DIP2C: variants seen among roughly 807,000 people sequenced by gnomAD.
The protein encoded by DIP2C is disco-interacting protein 2 homolog C.
A neutral mutation model predicts 192.4 loss-of-function variants in DIP2C; 33 were observed. That is an observed-to-expected ratio of 0.17 (90% CI 0.13 to 0.23). DIP2C has a LOEUF of 0.23. DIP2C is among the 10% of genes least tolerant of loss of function. The pLI is 1.00. For missense variants in DIP2C, 1,537 were observed against 2,110.1 expected (o/e 0.73, Z 5.32); for synonymous variants, 979 against 864.1 (o/e 1.13, Z -2.33).
chr10:472,675 C>T (rs993989408), intron 2 of DIP2C, 126 bp from the exon 3 acceptor site: 8 of 788,288 alleles, frequency 1.0e-5, no homozygotes, highest in Admixed American at 6.9e-5. Context: ...GGCATGGCGG[C>T]GCCTCAGAGC....
At chr10:382,310 C>G (rs1360615024) in intron 17 of DIP2C, among the ~76,000 whole-genome samples, 1 of 152,138 alleles carries the variant, frequency 6.6e-6, no homozygotes, top group Non-Finnish European at 1.5e-5. Flanking sequence ...AGACCCTATC[C>G]CACCCCAGAA....
chr10:620,468 G>A (rs962367661), intron 1 of DIP2C, among the ~76,000 whole-genome samples: 2 of 152,162 alleles, frequency 1.3e-5, no homozygotes, highest in Non-Finnish European at 2.9e-5. Context: ...CCTCCTGAGG[G>A]GCAGATACGG....
At chr10:655,951 G>A (rs1319352546) in intron 1 of DIP2C, among the ~76,000 whole-genome samples, 2 of 150,098 alleles carry the variant, frequency 1.3e-5, no homozygotes, top group African/African-American at 2.5e-5. Context: ...TCTGTTCTAC[G>A]CTACCCTATA....
chr10:439,200 G>A (rs1015048437), intron 4 of DIP2C, among the ~76,000 whole-genome samples: 7 of 152,120 alleles, frequency 4.6e-5, no homozygotes, highest in Admixed American at 2.0e-4. Context: ...GAGCCCAAGG[G>A]AGCACGTTGG....
intron 29 of DIP2C, among the ~76,000 whole-genome samples, chr10:338,494 G>A (rs1035139669): frequency 3.3e-5 from 5 of 150,226 alleles, no homozygotes; most frequent in African/African-American, 4.9e-5. Context: ...AATATGTCTC[G>A]ACACACGACC....
intron 17 of DIP2C, among the ~76,000 whole-genome samples, chr10:372,074 C>CTTTTTT (rs71376826): frequency 7.3e-6 from 1 of 137,584 alleles, no homozygotes. Context: ...ACCCCCTTTC[C>CTTTTTT]TTTTTTTTTT....
At chr10:279,872 C>T (rs1324852123) in intron 36 of DIP2C, among the ~76,000 whole-genome samples, 1 of 152,210 alleles carries the variant, frequency 6.6e-6, no homozygotes, top group Non-Finnish European at 1.5e-5. Context: ...AGGGCACCAG[C>T]GAGGCCCTCG....
intron 1 of DIP2C, among the ~76,000 whole-genome samples, chr10:527,829 T>A (rs537333353): frequency 6.6e-6 from 1 of 152,330 alleles, no homozygotes; most frequent in East Asian, 1.9e-4. Context: ...CTGAATGGCA[T>A]AATCAGCCAT....
chr10:531,482 G>A (rs1156760010), intron 1 of DIP2C, among the ~76,000 whole-genome samples: 2 of 151,938 alleles, frequency 1.3e-5, no homozygotes, highest in Non-Finnish European at 2.9e-5. Context: ...AACAACTATT[G>A]CTACAAATGC....
intron 1 of DIP2C, among the ~76,000 whole-genome samples, chr10:576,142 C>A (rs1462884142): frequency 6.6e-6 from 1 of 152,180 alleles, no homozygotes; most frequent in Non-Finnish European, 1.5e-5. Context: ...CTGTCGGATT[C>A]CAGATGTGCT....
chr10:313,155 A>C (rs12266507), intron 31 of DIP2C, among the ~76,000 whole-genome samples: 139 of 152,364 alleles, frequency 9.1e-4, no homozygotes, highest in African/African-American at 3.2e-3. Flanking sequence ...GGGAGTATTT[A>C]ACAAAATCTT....
chr10:465,944 G>A (rs1296455995), intron 3 of DIP2C, among the ~76,000 whole-genome samples: 18 of 152,066 alleles, frequency 1.2e-4, no homozygotes, highest in East Asian at 5.8e-4. Context: ...AATCAATATC[G>A]TGAAAATGGC....
chr10:644,489 G>A (rs930723400), intron 1 of DIP2C, among the ~76,000 whole-genome samples: 4 of 152,286 alleles, frequency 2.6e-5, no homozygotes, highest in African/African-American at 2.4e-5. Flanking sequence ...TCCTGGGAGC[G>A]CGGCTTCTTG....
At chr10:366,114 C>CAA (rs1384871431) in intron 19 of DIP2C, among the ~76,000 whole-genome samples, 161 bp downstream of exon 19, 2 of 152,196 alleles carry the variant, frequency 1.3e-5, no homozygotes, top group Non-Finnish European at 2.9e-5. Context: ...ACAAATTTAT[C>CAA]AAAAGCGATA....
chr10:534,746 G>C (rs972908382), intron 1 of DIP2C, among the ~76,000 whole-genome samples: 1 of 149,900 alleles, frequency 6.7e-6, no homozygotes, highest in African/African-American at 2.5e-5. Context: ...GCGCAATCTC[G>C]GCTCACTGCA....
In DIP2C at chr10:508,027, GTGCAGGGTGC is replaced by G. The variant is rs577625671; in HGVS notation, c.86-21507_86-21498del. Among the ~76,000 whole-genome samples, 35 of 152,308 alleles carry G rather than the reference GTGCAGGGTGC, an allele frequency of 2.3e-4. No homozygotes were observed. In the South Asian group the frequency reaches 6.0e-3, roughly 26 times the overall value. On this transcript the variant is annotated intron_variant, in intron 1 of 36. Coordinates refer to ENST00000280886, the MANE Select transcript of DIP2C (RefSeq NM_014974.3). ...GCAACCACGTCTCTGTGCTCTTCCA[GTGCAGGGTGC>G]TGCCCTTCCCTCCCTTTCCAAGCAC...
intron 25 of DIP2C, 125 bp from the exon 26 acceptor site, chr10:348,887 G>T: frequency 7.2e-7 from 1 of 1,396,630 alleles, no homozygotes. Flanking sequence ...GCTTCTCACA[G>T]CCTCCGTCAT....
intron 17 of DIP2C, among the ~76,000 whole-genome samples, chr10:378,825 GCA>G (rs575246006): frequency 2.8e-4 from 42 of 150,470 alleles, no homozygotes; most frequent in African/African-American, 7.6e-4. Context: ...GAACAGACAT[GCA>G]CAGATGTGAA....
intron 36 of DIP2C, among the ~76,000 whole-genome samples, chr10:278,853 G>A (rs974719437): frequency 1.8e-4 from 28 of 152,246 alleles, no homozygotes; most frequent in African/African-American, 6.0e-4. Flanking sequence ...GGTACTTGAG[G>A]TCTGCTTGGC....
Sources: allele counts gnomAD v4.1 joint callset (sites outside exome capture counted in the v4.1 genomes callset), GRCh38; gene constraint gnomAD v4.1.1; transcripts MANE v1.5; gene names NCBI Gene and HGNC (gene_info 2026-07-23, HGNC 2026-07-21).